SPAG16: variants seen among roughly 807,000 people sequenced by gnomAD.
SPAG16 encodes the protein sperm associated antigen 16, also known as sperm-associated antigen 16 protein.
A neutral mutation model predicts 80.4 loss-of-function variants in SPAG16; 86 were observed. The ratio of observed to expected loss-of-function variants is 1.07; its 90% CI spans 0.90 to 1.28. The LOEUF (loss-of-function observed/expected upper bound fraction) is 1.28. Among genes scored for constraint, SPAG16 ranks in the 50% most tolerant of loss-of-function variants. The probability of loss-of-function intolerance (pLI) is 0.00; values close to 1 mark genes in which losing one functional copy is unlikely to be tolerated. For synonymous variants in SPAG16, 294 were observed against 265.9 expected (o/e 1.11, Z -1.03); for missense variants, 870 against 765.3 (o/e 1.14, Z -1.61).
intron 15 of SPAG16, among the ~76,000 whole-genome samples, chr2:214,276,770 T>G (rs1188011207): frequency 1.3e-5 from 2 of 151,668 alleles, no homozygotes; most frequent in Admixed American, 6.6e-5. Flanking sequence ...TTATGTGTCT[T>G]GGGGTTGCTC....
chr2:214,098,741 A>AAT (rs2052776096), intron 13 of SPAG16, among the ~76,000 whole-genome samples: 1 of 152,124 alleles, frequency 6.6e-6, no homozygotes, highest in Non-Finnish European at 1.5e-5. Flanking sequence ...CTGAATGTAT[A>AAT]ATACACTTAA....
chr2:214,103,425 A>T (rs1243515492), intron 13 of SPAG16, among the ~76,000 whole-genome samples: 2 of 152,180 alleles, frequency 1.3e-5, no homozygotes, highest in African/African-American at 4.8e-5. Context: ...TGTGCCCAGG[A>T]GGAAAAATAA....
chr2:213,678,885 C>T (rs1411359895), intron 10 of SPAG16, among the ~76,000 whole-genome samples: 1 of 152,144 alleles, frequency 6.6e-6, no homozygotes, highest in African/African-American at 2.4e-5. Flanking sequence ...GCCCCCATCT[C>T]ATCCTGGCAA....
In SPAG16 at chr2:213,873,639, T is replaced by G. The variant is rs564945801; in HGVS notation, c.1214+11011T>G. Among the ~76,000 whole-genome samples, 442 of 152,190 alleles carry G rather than the reference T, an allele frequency of 2.9e-3. 6 individuals carry two copies. The South Asian group carries it at 0.033, about 11-fold the overall frequency. On this transcript the variant is annotated intron_variant, in intron 11 of 15. Transcript: ENST00000331683. ...ACCATTTACATCTGTGAATTTTCTTTCAAGCAATGCTAGAATTATCCTATA... is the reference window on the plus strand; with the variant it reads ...ACCATTTACATCTGTGAATTTTCTTGCAAGCAATGCTAGAATTATCCTATA...
In SPAG16 at chr2:213,350,538, C is replaced by G; in HGVS notation, c.655C>G (p.His219Asp). The G allele has an allele frequency of 6.4e-7, 1 of 1,559,418 alleles. No homozygotes were observed. The highest frequency in any genetic ancestry group is 8.6e-7 in the Non-Finnish European group (1 of 1,156,608). Residue 219 changes from histidine to aspartate, a missense_variant, in exon 7 of 16, where the codon CAT (histidine) becomes GAT (aspartate). Transcript: ENST00000331683. ...CTTTATTTTTTATAGGTTGAAGTTA[C>G]ATTATGCATCTTATGAACCGACTAT... ...LINDLKGLKL[H>D]YASYEPTIRV...
rs572861702 is a variant in SPAG16 at position 213,862,555 on chromosome 2, C to A, written c.1141C>A (p.Leu381Ile). The stretch of plus-strand genomic sequence containing the variant: ...GGACCGACTCTGGAAGGTGTTGGGC[C>A]TTCCAAAATGCAATGTGCTTCTCAC... ...GEDRLWKVLG[L>I]PKCNVLLTGF... The change falls in exon 11 of 16, where the codon CTT becomes ATT. Residue 381 changes from leucine (L) to isoleucine (I), a missense_variant. Transcript: ENST00000331683. The A allele has an allele frequency of 3.1e-6, 5 of 1,614,184 alleles. No individual in the cohort carries two copies. In the South Asian group the frequency reaches 3.3e-5, roughly 11 times the overall value.
intron 15 of SPAG16, among the ~76,000 whole-genome samples, chr2:214,188,811 A>AT (rs1322705399): frequency 6.6e-6 from 1 of 152,186 alleles, no homozygotes; most frequent in East Asian, 1.9e-4. Context: ...CAACACATCT[A>AT]TTTTTTAACT....
At chr2:213,965,947 G>A (rs2044691112) in intron 12 of SPAG16, among the ~76,000 whole-genome samples, 1 of 152,120 alleles carries the variant, frequency 6.6e-6, no homozygotes, top group Admixed American at 6.5e-5. Flanking sequence ...TAAGTGAGAT[G>A]GATCAAAATG....
chr2:213,467,642 A>G (rs1354977896), intron 9 of SPAG16, among the ~76,000 whole-genome samples: 1 of 152,222 alleles, frequency 6.6e-6, no homozygotes, highest in African/African-American at 2.4e-5. Context: ...TTCAACTTTC[A>G]GAGTCACTTG....
chr2:213,372,415 G>A (rs2066688818), intron 8 of SPAG16, among the ~76,000 whole-genome samples: 1 of 152,062 alleles, frequency 6.6e-6, no homozygotes, highest in Non-Finnish European at 1.5e-5. Context: ...ATATAGTAAA[G>A]CAAAGTAGCT....
chr2:214,347,810 A>T (rs1332166913), intron 15 of SPAG16, among the ~76,000 whole-genome samples: 1 of 152,164 alleles, frequency 6.6e-6, no homozygotes, highest in Non-Finnish European at 1.5e-5. Context: ...GAAAAGAGGC[A>T]TTTGAACTCT....
chr2:213,983,795 C>G (rs2045881001), intron 12 of SPAG16, among the ~76,000 whole-genome samples: 1 of 152,008 alleles, frequency 6.6e-6, no homozygotes, highest in Non-Finnish European at 1.5e-5. Context: ...CCATTACCTA[C>G]TATTCTTGTC....
chr2:213,595,838 T>A (rs896877983), intron 10 of SPAG16, among the ~76,000 whole-genome samples: 1 of 152,048 alleles, frequency 6.6e-6, no homozygotes, highest in African/African-American at 2.4e-5. Flanking sequence ...TAGATAGCAG[T>A]TTTTTTATTA....
Position 213,399,546 on chromosome 2 carries a change from C to T in SPAG16, c.942+24427C>T, listed in dbSNP as rs577814119. Among the ~76,000 whole-genome samples, 3 of 152,074 alleles carry T rather than the reference C, an allele frequency of 2.0e-5. No individual in the cohort carries two copies. In the East Asian group the frequency reaches 5.8e-4, roughly 29 times the overall value. ...TATTCATCATGTGTTATTTGAGTTACATAACACTGGACCTAGTTAATCATT... is the reference window on the plus strand; with the variant it reads ...TATTCATCATGTGTTATTTGAGTTATATAACACTGGACCTAGTTAATCATT... On this transcript the variant is annotated intron_variant, in intron 9 of 15. Transcript: ENST00000331683.
chr2:213,489,926 AT>A, intron 9 of SPAG16, 36 bp from the exon 10 acceptor site: 13 of 1,546,136 alleles, frequency 8.4e-6, no homozygotes, highest in Non-Finnish European at 1.1e-5. Flanking sequence ...TGATTTTGAT[AT>A]TTAACACAGA....
chr2:213,798,687 A>G (rs12620384), intron 10 of SPAG16, among the ~76,000 whole-genome samples: 53,296 of 151,978 alleles, frequency 0.35, 9,948 homozygotes, highest in East Asian at 0.53. Flanking sequence ...ATTTACTCCA[A>G]TGTTTTCTGT....
intron 1 of SPAG16, among the ~76,000 whole-genome samples, chr2:213,287,663 G>A (rs1364471543): frequency 6.6e-6 from 1 of 152,064 alleles, no homozygotes; most frequent in African/African-American, 2.4e-5. Context: ...AATGAAAAAG[G>A]CTCCCCAACC....
chr2:214,134,283 C>A (rs2054932214), intron 14 of SPAG16, among the ~76,000 whole-genome samples: 1 of 152,160 alleles, frequency 6.6e-6, no homozygotes, highest in African/African-American at 2.4e-5. Flanking sequence ...CTTCCCTCTT[C>A]CTGAATCACT....
intron 15 of SPAG16, among the ~76,000 whole-genome samples, chr2:214,263,885 T>G (rs1384752985): frequency 6.6e-6 from 1 of 152,202 alleles, no homozygotes; most frequent in Non-Finnish European, 1.5e-5. Flanking sequence ...TTTAGCATAT[T>G]TAGTTTATAC....
Sources: gnomAD v4.1 joint callset for allele counts (sites outside exome capture counted in the v4.1 genomes callset) on GRCh38, gnomAD v4.1.1 for gene constraint, MANE v1.5 for transcripts, NCBI Gene and HGNC (gene_info 2026-07-23, HGNC 2026-07-21) for gene names.